GXYLT1: variants seen among roughly 807,000 people sequenced by gnomAD.
GXYLT1 encodes glucoside xylosyltransferase 1, also known as glycosyltransferase 8 domain containing 3.
Under a neutral mutation model 54.0 loss-of-function variants are expected in GXYLT1, and 29 were observed. The ratio of observed to expected loss-of-function variants is 0.54; its 90% confidence interval spans 0.40 to 0.73. GXYLT1 has a LOEUF of 0.73. GXYLT1 is among the 30% of genes least tolerant of loss of function. The pLI is 0.00. For missense variants in GXYLT1, 490 were observed against 553.4 expected, an observed-to-expected ratio of 0.89 and a Z score of 1.15; for synonymous variants, 176 against 204.1, an observed-to-expected ratio of 0.86 and a Z score of 1.17.
In GXYLT1 at chr12:42,087,922, C is replaced by T. The variant is rs558061830; in HGVS notation, c.1187G>A (p.Arg396His). The change falls in exon 8 of 8, where the codon CGT becomes CAT. Residue 396 changes from arginine to histidine, a missense_variant. Transcript: ENST00000398675. The stretch of plus-strand genomic sequence containing the variant: ...CAGTTCTAAAGGTTTTAATAAGGAA[C>T]GGATGTTGTCATCTTCAAAAGAACA... The part of the protein sequence containing the change: ...RNCSFEDDNI[R>H]SLLKPLELEL... The T allele has an allele frequency of 1.2e-4, 188 of 1,550,690 alleles. No individual in the cohort carries two copies. In the East Asian group the frequency reaches 2.8e-3, roughly 23 times the overall value.
intron 2 of GXYLT1, among the ~76,000 whole-genome samples, chr12:42,127,163 T>C (rs2065567681): frequency 6.6e-6 from 1 of 152,116 alleles, no homozygotes; most frequent in African/African-American, 2.4e-5. Flanking sequence ...TAAAGGGGAA[T>C]TCCAAAGAAG....
intron 1 of GXYLT1, among the ~76,000 whole-genome samples, chr12:42,134,321 C>CT (rs1806388043): frequency 6.6e-6 from 1 of 152,050 alleles, no homozygotes; most frequent in Non-Finnish European, 1.5e-5. Context: ...AATTATGGTT[C>CT]TTTTTTCTGA....
In GXYLT1 at chr12:42,144,761, C is replaced by T. The variant is rs920968750; in HGVS notation, c.-115G>A. 4.4e-5 allele frequency: 31 copies of T among 711,430 alleles called. No homozygotes were observed. The highest frequency in any genetic ancestry group is 1.4e-4 in the Admixed American group (3 of 22,082). The allele number at this position is 711,430 out of a possible 1,614,324, so 44.1% of individuals were successfully genotyped here. ...CAACAAGTTCCTCACCCGCAGCCGC[C>T]GCCGCCGCCTTGCGCCCGCTCCCTT... On this transcript the variant is annotated 5_prime_UTR_variant, in exon 1 of 8. Transcript: ENST00000398675.
At chr12:42,123,350 G>A (rs904840268) in intron 2 of GXYLT1, among the ~76,000 whole-genome samples, 2 of 152,164 alleles carry the variant, frequency 1.3e-5, no homozygotes, top group African/African-American at 2.4e-5. Flanking sequence ...CCTAATGCCT[G>A]CTGTCTCTCA....
Position 42,086,570 on chromosome 12 carries a change from G to A in GXYLT1, c.*1216C>T, listed in dbSNP as rs184505594. ...CAGCATAGTATATGCTAAGTATTCA[G>A]AATCTATAGTTATATTAGCTAACAG... On this transcript the variant is annotated 3_prime_UTR_variant, in exon 8 of 8. Transcript: ENST00000398675. 6.6e-6 allele frequency: 1 copy of A among 152,126 alleles called. No homozygotes were observed. The highest frequency in any genetic ancestry group is 1.5e-5 in the Non-Finnish European group (1 of 68,020). The allele number at this position is 152,126 out of a possible 1,614,324, so 9.4% of individuals were successfully genotyped here.
intron 3 of GXYLT1, among the ~76,000 whole-genome samples, chr12:42,113,451 T>G (rs918906450): frequency 6.7e-6 from 1 of 150,066 alleles, no homozygotes; most frequent in Admixed American, 6.6e-5. Context: ...ACCAAGCAAA[T>G]GGAAAACAAA....
At position 42,086,548 on chromosome 12, in the gene GXYLT1, C is replaced by T. The variant is rs1327179561; in HGVS notation, c.*1238G>A. On this transcript the variant is annotated 3_prime_UTR_variant, in exon 8 of 8. Transcript: ENST00000398675. ...TGGTAAAATAAGATATGTGCCCCAGCATAGTATATGCTAAGTATTCAGAAT... is the reference window on the plus strand; with the variant it reads ...TGGTAAAATAAGATATGTGCCCCAGTATAGTATATGCTAAGTATTCAGAAT... 6.6e-6 allele frequency: 1 copy of T among 152,114 alleles called. No individual in the cohort carries two copies. Among genetic ancestry groups the T allele is most frequent in the African/African-American group, 2.4e-5 (1 of 41,426 alleles). The allele number at this position is 152,114 out of a possible 1,614,324, so 9.4% of individuals were successfully genotyped here.
At chr12:42,110,083 T>C (rs982179119) in intron 3 of GXYLT1, among the ~76,000 whole-genome samples, 2 of 152,202 alleles carry the variant, frequency 1.3e-5, no homozygotes, top group Admixed American at 6.5e-5. Flanking sequence ...ATATGAAAGA[T>C]GCTTACATTC....
chr12:42,142,724 A>T (rs2065658757), intron 1 of GXYLT1, among the ~76,000 whole-genome samples: 1 of 152,156 alleles, frequency 6.6e-6, no homozygotes, highest in African/African-American at 2.4e-5. Context: ...AGGTCTTAGT[A>T]ATTTGCGTGA....
chr12:42,141,840 A>C (rs912279191), intron 1 of GXYLT1, among the ~76,000 whole-genome samples: 9 of 152,184 alleles, frequency 5.9e-5, no homozygotes, highest in Non-Finnish European at 1.0e-4. Context: ...CTGATTATTA[A>C]AATCATGGCT....
At chr12:42,137,161 T>C (rs545574237) in intron 1 of GXYLT1, among the ~76,000 whole-genome samples, 21 of 151,726 alleles carry the variant, frequency 1.4e-4, no homozygotes, top group African/African-American at 5.1e-4. Flanking sequence ...TACCAAAGAG[T>C]CAGTGATACG....
At chr12:42,133,159 T>G (rs930695024) in intron 1 of GXYLT1, among the ~76,000 whole-genome samples, 3 of 152,038 alleles carry the variant, frequency 2.0e-5, no homozygotes, top group Non-Finnish European at 2.9e-5. Context: ...TTGCCTGTAA[T>G]CCCAGCTACT....
chr12:42,130,017 C>T (rs2065585416), intron 1 of GXYLT1, among the ~76,000 whole-genome samples, 166 bp from the exon 2 acceptor site: 1 of 152,164 alleles, frequency 6.6e-6, no homozygotes, highest in Non-Finnish European at 1.5e-5. Flanking sequence ...TTCTCCCTTA[C>T]TTAGGGCACC....
intron 3 of GXYLT1, among the ~76,000 whole-genome samples, chr12:42,112,562 T>C (rs1244858275): frequency 2.0e-5 from 3 of 151,776 alleles, no homozygotes; most frequent in East Asian, 3.9e-4. Context: ...ACGAAACGAA[T>C]GAAATGAAGC....
chr12:42,104,978 A>G (rs1178413664), intron 5 of GXYLT1, among the ~76,000 whole-genome samples: 2 of 152,194 alleles, frequency 1.3e-5, no homozygotes, highest in African/African-American at 4.8e-5. Flanking sequence ...AAGAATTTTC[A>G]ACAGATCTCT....
At chr12:42,099,659 C>T (rs946184364) in intron 5 of GXYLT1, among the ~76,000 whole-genome samples, 1 of 152,120 alleles carries the variant, frequency 6.6e-6, no homozygotes, top group Non-Finnish European at 1.5e-5. Flanking sequence ...TCGAGACAAG[C>T]CTGGGCAACA....
chr12:42,109,478 T>C (rs1036109032), intron 4 of GXYLT1, 88 bp downstream of exon 4: 4 of 851,252 alleles, frequency 4.7e-6, no homozygotes, highest in Non-Finnish European at 6.4e-6. Flanking sequence ...ACTGGAATTA[T>C]ATGTAACTCT....
intron 3 of GXYLT1, among the ~76,000 whole-genome samples, chr12:42,110,612 T>C (rs1355832220): frequency 6.6e-6 from 1 of 152,196 alleles, no homozygotes; most frequent in Non-Finnish European, 1.5e-5. Context: ...TGCAGTAACA[T>C]GATTATGGTT....
rs559101141 is a variant in GXYLT1 at position 42,113,315 on chromosome 12, C to A, written c.487-3624G>T. 6.0e-4 allele frequency among the ~76,000 whole-genome samples: 91 copies of A among 151,098 alleles called. 7 individuals are homozygous for A. The highest frequency in any genetic ancestry group is 2.1e-3 in the African/African-American group (83 of 40,478). On this transcript the variant is annotated intron_variant, in intron 3 of 7. Coordinates refer to ENST00000398675, the MANE Select transcript of GXYLT1 (RefSeq NM_173601.2). ...TTAAATGTAAATGGGCTAAATGCTC[C>A]AATTAAAAGACACAGACTGGCAAAT...
Sources: gnomAD v4.1 joint callset for allele counts (sites outside exome capture counted in the v4.1 genomes callset) on GRCh38, gnomAD v4.1.1 for gene constraint, MANE v1.5 for transcripts, NCBI Gene and HGNC (gene_info 2026-07-23, HGNC 2026-07-21) for gene names.